PPP3CC: variants seen among roughly 807,000 people sequenced by gnomAD.
The protein encoded by PPP3CC is serine/threonine-protein phosphatase 2B catalytic subunit gamma isoform.
In PPP3CC, 35 loss-of-function variants were observed where a neutral mutation model predicts 60.3. That is an observed-to-expected ratio of 0.58 (90% CI 0.44 to 0.77). The LOEUF (loss-of-function observed/expected upper bound fraction) is 0.77, where lower values mean the gene tolerates loss of function less well. Ranked by LOEUF, PPP3CC falls within the 30% of genes least tolerant of loss-of-function variation. PPP3CC has a pLI of 0.00. For missense variants in PPP3CC, 570 were observed against 628.9 expected (o/e 0.91, Z 1.00); for synonymous variants, 206 against 224.3 (o/e 0.92, Z 0.73).
intron 3 of PPP3CC, among the ~76,000 whole-genome samples, chr8:22,479,649 C>T (rs559051186): frequency 4.0e-5 from 6 of 149,164 alleles, no homozygotes; most frequent in East Asian, 2.0e-4. Flanking sequence ...GAGGCTGAGG[C>T]GGGAGAATGG....
chr8:22,530,602 G>T (rs1056025770), intron 10 of PPP3CC, among the ~76,000 whole-genome samples: 7 of 151,578 alleles, frequency 4.6e-5, no homozygotes, highest in African/African-American at 1.7e-4. Flanking sequence ...GGAGGCTGAG[G>T]CAGGTGGATC....
At chr8:22,475,283 G>C in intron 2 of PPP3CC, 132 bp downstream of exon 2, 1 of 1,003,718 alleles carries the variant, frequency 1.0e-6, no homozygotes, top group Non-Finnish European at 1.4e-6. Context: ...GTCAGGATTG[G>C]TTAGGATATT....
chr8:22,532,455 G>A (rs954311851), intron 11 of PPP3CC, 149 bp downstream of exon 11: 14 of 653,434 alleles, frequency 2.1e-5, no homozygotes, highest in Middle Eastern at 2.7e-4. Context: ...ATGTTTAAGC[G>A]ACTAAAAATG....
chr8:22,498,314 A>G (rs1054417322), intron 4 of PPP3CC, among the ~76,000 whole-genome samples: 2 of 152,254 alleles, frequency 1.3e-5, no homozygotes, highest in Non-Finnish European at 2.9e-5. Flanking sequence ...TGTTTATAAA[A>G]TAAATAATTC....
At chr8:22,515,894 T>G (rs1839229841) in intron 6 of PPP3CC, among the ~76,000 whole-genome samples, 1 of 150,390 alleles carries the variant, frequency 6.6e-6, no homozygotes, top group African/African-American at 2.5e-5. Flanking sequence ...TAGTAAAAAG[T>G]CTTTTTTTCT....
chr8:22,468,214 C>G (rs1388558644), intron 1 of PPP3CC, among the ~76,000 whole-genome samples: 1 of 152,192 alleles, frequency 6.6e-6, no homozygotes, highest in African/African-American at 2.4e-5. Flanking sequence ...AGTGACTACC[C>G]TGTCTCAGCC....
chr8:22,504,147 GT>G lies in PPP3CC; in HGVS notation c.484+6044del, dbSNP rs553469255. Among the ~76,000 whole-genome samples the G allele has an allele frequency of 9.3e-4, 141 of 150,842 alleles. 1 individual carries two copies. The highest frequency in any genetic ancestry group is 1.4e-3 in the Non-Finnish European group (97 of 67,752). On this transcript the variant is annotated intron_variant, in intron 4 of 13. Coordinates refer to ENST00000240139, the MANE Select transcript of PPP3CC (RefSeq NM_005605.5). Reference sequence around the variant, plus strand: ...CCTTTCTTTATGGAAAAGTAATAATGTTTTTTTTTAAATTGATGTATAATAG... The same window carrying G: ...CCTTTCTTTATGGAAAAGTAATAATGTTTTTTTTAAATTGATGTATAATAG...
intron 12 of PPP3CC, among the ~76,000 whole-genome samples, chr8:22,534,999 T>C (rs1303042824): frequency 6.6e-6 from 1 of 152,210 alleles, no homozygotes; most frequent in Admixed American, 6.5e-5. Context: ...TCTAGAGTGT[T>C]AGGAATGTTC....
At position 22,540,548 on chromosome 8, in the gene PPP3CC, C is replaced by CT. The variant is rs1239781701; in HGVS notation, c.1352-60dup. On this transcript the variant is annotated intron_variant, in intron 13 of 13. Coordinates refer to ENST00000240139, the MANE Select transcript of PPP3CC (RefSeq NM_005605.5). The stretch of plus-strand genomic sequence containing the variant: ...TAGGAGGTTGCTGTGTGCTAAGAAA[C>CT]TTTTTTTAAGCCTGTTGCTTTGCTG... 4 of 1,499,368 alleles carry CT rather than the reference C, an allele frequency of 2.7e-6. No homozygotes were observed. In the South Asian group the frequency reaches 3.8e-5, roughly 14 times the overall value. 92.9% of individuals were successfully genotyped at this position (1,499,368 alleles called of 1,614,324 possible).
At chr8:22,465,958 G>C (rs1024557369) in intron 1 of PPP3CC, among the ~76,000 whole-genome samples, 3 of 151,930 alleles carry the variant, frequency 2.0e-5, no homozygotes, top group Non-Finnish European at 4.4e-5. Context: ...ATTTACATTA[G>C]GTATTTCTCC....
chr8:22,462,721 C>T (rs975135225), intron 1 of PPP3CC, among the ~76,000 whole-genome samples: 2 of 152,096 alleles, frequency 1.3e-5, no homozygotes, highest in Admixed American at 6.5e-5. Flanking sequence ...CAGGCACCCG[C>T]CACCATGCCA....
intron 11 of PPP3CC, 47 bp from the exon 12 acceptor site, chr8:22,532,874 A>G: frequency 7.6e-7 from 1 of 1,318,842 alleles, no homozygotes; most frequent in Non-Finnish European, 1.0e-6. Flanking sequence ...AAGTTGCTGA[A>G]TGGAGAGTTC....
intron 4 of PPP3CC, among the ~76,000 whole-genome samples, chr8:22,503,474 A>C (rs1838819973): frequency 6.6e-6 from 1 of 152,166 alleles, no homozygotes; most frequent in African/African-American, 2.4e-5. Context: ...ATTAAGTTTC[A>C]GAGGGTTTTT....
rs1007061306 is a variant in PPP3CC, at chr8:22,532,859, T to C, written c.1224-62T>C. The C allele has an allele frequency of 1.2e-5, 14 of 1,165,342 alleles. No homozygotes were observed. In the African/African-American group the frequency reaches 1.8e-4, roughly 15 times the overall value. The allele number at this position is 1,165,342 out of a possible 1,614,324, so 72.2% of individuals were successfully genotyped here. A position where few individuals can be genotyped will look rare whatever the true frequency, so the allele number is the denominator to read the frequency against. On this transcript the variant is annotated intron_variant, in intron 11 of 13. Transcript: ENST00000240139. Reference sequence around the variant, plus strand: ...CTGTCTTTCTTCACTTCCTTCAATATCTTTAAGTTGCTGAATGGAGAGTTC... The same window carrying C: ...CTGTCTTTCTTCACTTCCTTCAATACCTTTAAGTTGCTGAATGGAGAGTTC...
chr8:22,505,571 AG>A (rs978964951), intron 4 of PPP3CC, among the ~76,000 whole-genome samples: 1 of 152,204 alleles, frequency 6.6e-6, no homozygotes, highest in Non-Finnish European at 1.5e-5. Context: ...GCTCTCCTGT[AG>A]GGGAGGCAAA....
intron 13 of PPP3CC, among the ~76,000 whole-genome samples, chr8:22,540,214 G>C (rs1489338635): frequency 2.0e-5 from 3 of 152,112 alleles, no homozygotes; most frequent in Non-Finnish European, 4.4e-5. Flanking sequence ...TGTGCGAAAA[G>C]CAACTACCCT....
At chr8:22,474,700 A>G (rs1837834075) in intron 1 of PPP3CC, among the ~76,000 whole-genome samples, 1 of 152,128 alleles carries the variant, frequency 6.6e-6, no homozygotes, top group South Asian at 2.1e-4. Flanking sequence ...GCAAGCCTCC[A>G]TCTCAAAAAA....
intron 1 of PPP3CC, among the ~76,000 whole-genome samples, chr8:22,450,736 C>T (rs1836988541): frequency 6.6e-6 from 1 of 152,234 alleles, no homozygotes; most frequent in Non-Finnish European, 1.5e-5. Flanking sequence ...TGCTAAACCT[C>T]TCTAGGCTTG....
intron 1 of PPP3CC, among the ~76,000 whole-genome samples, chr8:22,447,399 G>A (rs1472922761): frequency 2.0e-5 from 3 of 151,788 alleles, no homozygotes; most frequent in Non-Finnish European, 4.4e-5. Context: ...AGCCAGGATG[G>A]TCTCGGTCTC....
Sources: allele counts gnomAD v4.1 joint callset (sites outside exome capture counted in the v4.1 genomes callset), GRCh38; gene constraint gnomAD v4.1.1; transcripts MANE v1.5; gene names NCBI Gene and HGNC (gene_info 2026-07-23, HGNC 2026-07-21).